Variants in PDE7B observed in about 807,000 individuals in gnomAD.
The protein encoded by PDE7B is 3',5'-cyclic-AMP phosphodiesterase 7B.
A neutral mutation model predicts 56.2 loss-of-function variants in PDE7B; 29 were observed. That is an observed-to-expected ratio of 0.52 (90% CI 0.38 to 0.70). PDE7B has a LOEUF of 0.70. PDE7B is among the 30% of genes least tolerant of loss of function. The probability of loss-of-function intolerance (pLI) is 0.00; values close to 1 mark genes in which losing one functional copy is unlikely to be tolerated. For missense variants in PDE7B, 490 were observed against 565.0 expected, an observed-to-expected ratio of 0.87 and a Z score of 1.35; for synonymous variants, 197 against 196.9, an observed-to-expected ratio of 1.00 and a Z score of 0.00.
At chr6:136,004,500 C>T (rs866333162) in intron 2 of PDE7B, among the ~76,000 whole-genome samples, 47 of 152,254 alleles carry the variant, frequency 3.1e-4, no homozygotes, top group African/African-American at 1.1e-3. Flanking sequence ...GCAACTTCAG[C>T]AAAGTCTCAG....
intron 2 of PDE7B, chr6:136,038,378 A>G (rs1300378117): frequency 1.5e-6 from 2 of 1,291,562 alleles, no homozygotes; most frequent in African/African-American, 3.0e-5. Flanking sequence ...CTCCCCGGGA[A>G]GCCGGCCGGG....
intron 2 of PDE7B, among the ~76,000 whole-genome samples, chr6:136,032,189 T>C (rs1206078388): frequency 6.6e-6 from 1 of 152,172 alleles, no homozygotes; most frequent in African/African-American, 2.4e-5. Flanking sequence ...TCAGTTTGTC[T>C]AGGGAAATGA....
intron 1 of PDE7B, among the ~76,000 whole-genome samples, chr6:135,938,963 A>G (rs865949227): frequency 3.5e-4 from 53 of 152,372 alleles, no homozygotes; most frequent in African/African-American, 1.3e-3. Flanking sequence ...ACATTTAAAA[A>G]TAGGGGTATG....
chr6:135,917,897 T>C (rs745621206), intron 1 of PDE7B, among the ~76,000 whole-genome samples: 1 of 152,200 alleles, frequency 6.6e-6, no homozygotes, highest in Non-Finnish European at 1.5e-5. Flanking sequence ...AAGGTGTCGG[T>C]GAGCCCGCTC....
Position 136,179,042 on chromosome 6 carries a change from C to A in PDE7B, c.849C>A (p.Asp283Glu). The change falls in exon 10 of 13, where the codon GAC (aspartate) becomes GAA (glutamate). Residue 283 changes from aspartate (D) to glutamate (E), a missense_variant. Coordinates refer to ENST00000308191, the MANE Select transcript of PDE7B (RefSeq NM_018945.4). ...TGGGCTCCTTGATCTTGGCAACAGA[C>A]ATCAACAGGCAGAATGAATTTTTGA... ...QQLGSLILAT[D>E]INRQNEFLTR... is the part of the protein sequence containing the mutation. 6.2e-7 allele frequency: 1 copy of A among 1,613,980 alleles called. No individual in the cohort carries two copies. The highest frequency in any genetic ancestry group is 8.5e-7 in the Non-Finnish European group (1 of 1,179,818).
intron 2 of PDE7B, among the ~76,000 whole-genome samples, chr6:135,985,297 C>CAG (rs948238144): frequency 6.6e-6 from 1 of 152,158 alleles, no homozygotes; most frequent in Admixed American, 6.5e-5. Flanking sequence ...CTGAGCTGAA[C>CAG]AGAGCTCTTG....
intron 2 of PDE7B, among the ~76,000 whole-genome samples, chr6:136,019,781 AGAAAG>A (rs1176960803): frequency 6.6e-6 from 1 of 152,222 alleles, no homozygotes; most frequent in Non-Finnish European, 1.5e-5. Context: ...AAGTAAGTAG[AGAAAG>A]GAAAGTGTTA....
In PDE7B at chr6:135,920,064, G is replaced by A. The variant is rs532623774; in HGVS notation, c.22-27400G>A. On this transcript the variant is annotated intron_variant, in intron 1 of 12. Transcript: ENST00000308191. ...TTATATTCTTGTCTTAAGTATCCTAGATAATGTTGAAACATTCAGATTTTT... is the reference window on the plus strand; with the variant it reads ...TTATATTCTTGTCTTAAGTATCCTAAATAATGTTGAAACATTCAGATTTTT... Among the ~76,000 whole-genome samples, 144 of 152,176 alleles carry A rather than the reference G, an allele frequency of 9.5e-4. 2 individuals carry two copies. The highest frequency in any genetic ancestry group is 3.4e-3 in the Middle Eastern group (1 of 294).
chr6:136,185,466 T>A (rs1362204610), intron 11 of PDE7B, among the ~76,000 whole-genome samples: 1 of 152,074 alleles, frequency 6.6e-6, no homozygotes. Context: ...TTAAATTAAT[T>A]AACATATGCC....
At chr6:136,136,239 C>G (rs1050130270) in intron 3 of PDE7B, among the ~76,000 whole-genome samples, 1 of 152,072 alleles carries the variant, frequency 6.6e-6, no homozygotes, top group African/African-American at 2.4e-5. Context: ...ATATTGAAAA[C>G]TAGAATTTCA....
intron 2 of PDE7B, among the ~76,000 whole-genome samples, chr6:136,101,092 C>G (rs1006613736): frequency 1.3e-5 from 2 of 152,146 alleles, no homozygotes; most frequent in Admixed American, 1.3e-4. Context: ...GTTGAACCAG[C>G]CTTGCATCCC....
rs561089021 is a variant in PDE7B, at chr6:135,919,217, G to C, written c.22-28247G>C. On this transcript the variant is annotated intron_variant, in intron 1 of 12. Transcript: ENST00000308191. ...AATCTTTCCACTTGTGCTACCGAAC[G>C]CCTCCTTTTTTGAAAGTTTTCAGTT... Among the ~76,000 whole-genome samples, 149 of 152,198 alleles carry C rather than the reference G, an allele frequency of 9.8e-4. 2 individuals are homozygous for C. Among genetic ancestry groups the C allele is most frequent in the Middle Eastern group, 6.8e-3 (2 of 294 alleles).
At chr6:135,863,418 G>A (rs1218313529) in intron 1 of PDE7B, among the ~76,000 whole-genome samples, 1 of 151,854 alleles carries the variant, frequency 6.6e-6, no homozygotes, top group African/African-American at 2.4e-5. Flanking sequence ...TTCACAGTAG[G>A]GGCAATACTT....
intron 2 of PDE7B, among the ~76,000 whole-genome samples, chr6:135,969,571 A>T (rs184411831): frequency 2.6e-5 from 4 of 152,216 alleles, no homozygotes; most frequent in African/African-American, 9.6e-5. Context: ...CTAGCCATAT[A>T]CAGAAAACTG....
intron 8 of PDE7B, among the ~76,000 whole-genome samples, chr6:136,158,828 A>C (rs999966808): frequency 2.0e-5 from 3 of 152,240 alleles, no homozygotes; most frequent in African/African-American, 7.2e-5. Flanking sequence ...CCAAGAATTT[A>C]CTTTCTGTTC....
At chr6:136,064,799 C>T (rs1033194837) in intron 2 of PDE7B, among the ~76,000 whole-genome samples, 2 of 152,102 alleles carry the variant, frequency 1.3e-5, no homozygotes, top group Non-Finnish European at 2.9e-5. Flanking sequence ...AGGCACCTAC[C>T]CTTCATTCTC....
intron 2 of PDE7B, among the ~76,000 whole-genome samples, chr6:135,980,439 A>G (rs1191167239): frequency 2.6e-5 from 4 of 151,922 alleles, no homozygotes; most frequent in African/African-American, 9.7e-5. Context: ...AAATTGACAA[A>G]TGGGATCTAA....
rs139482041 is a variant in PDE7B at position 136,167,934 on chromosome 6, C to T, written c.712-5863C>T. ...TGAGTTTAATAGGACACAGGACTTC[C>T]GGAATGCCAGAGAAAAATTCAAAAT... On this transcript the variant is annotated intron_variant, in intron 8 of 12. Coordinates refer to ENST00000308191, the MANE Select transcript of PDE7B (RefSeq NM_018945.4). Among the ~76,000 whole-genome samples the T allele has an allele frequency of 2.0e-3, 302 of 152,138 alleles. 1 individual carries two copies. Among genetic ancestry groups the T allele is most frequent in the African/African-American group, 6.7e-3 (279 of 41,504 alleles).
chr6:135,908,971 A>C (rs118188384), intron 1 of PDE7B, among the ~76,000 whole-genome samples: 1,900 of 152,334 alleles, frequency 0.012, 11 homozygotes, highest in South Asian at 0.033. Flanking sequence ...CAATTATTAT[A>C]AACTAATCTA....
Sources: allele counts gnomAD v4.1 joint callset (sites outside exome capture counted in the v4.1 genomes callset), GRCh38; gene constraint gnomAD v4.1.1; transcripts MANE v1.5; gene names NCBI Gene and HGNC (gene_info 2026-07-23, HGNC 2026-07-21).